Variants in PCDH9 observed in about 807,000 individuals in gnomAD.
PCDH9 encodes protocadherin 9.
PCDH9 carries 24 observed loss-of-function variants against 70.6 expected under a neutral mutation model. The observed-to-expected ratio is 0.34, with a 90% confidence interval of 0.25 to 0.48. The LOEUF (loss-of-function observed/expected upper bound fraction) is 0.48. PCDH9 is among the 20% of genes least tolerant of loss of function. The pLI is 0.99. For synonymous variants in PCDH9, 562 were observed against 558.5 expected (o/e 1.01, Z -0.09); for missense variants, 1,281 against 1,503.6 (o/e 0.85, Z 2.45).
chr13:66,982,860 T>C (rs2083804036), intron 2 of PCDH9, among the ~76,000 whole-genome samples: 1 of 152,252 alleles, frequency 6.6e-6, no homozygotes, highest in Non-Finnish European at 1.5e-5. Flanking sequence ...TAATGTTGAT[T>C]CTTGGTCTTG....
At chr13:66,447,781 C>T (rs969652922) in intron 4 of PCDH9, among the ~76,000 whole-genome samples, 15 of 151,994 alleles carry the variant, frequency 9.9e-5, no homozygotes, top group African/African-American at 3.4e-4. Flanking sequence ...GGGTATTCAA[C>T]GAATTAAATT....
chr13:66,978,003 T>C (rs1275776516), intron 2 of PCDH9, among the ~76,000 whole-genome samples: 1 of 152,166 alleles, frequency 6.6e-6, no homozygotes, highest in South Asian at 2.1e-4. Context: ...ACCTGTTGTA[T>C]CCCTTAAAAC....
intron 4 of PCDH9, among the ~76,000 whole-genome samples, chr13:66,467,178 G>T (rs1338827396): frequency 6.6e-6 from 1 of 152,044 alleles, no homozygotes; most frequent in East Asian, 1.9e-4. Context: ...CACCAAGGAG[G>T]TAATAGATGT....
At chr13:66,399,805 G>C (rs1339566253) in intron 4 of PCDH9, among the ~76,000 whole-genome samples, 1 of 151,944 alleles carries the variant, frequency 6.6e-6, no homozygotes, top group African/African-American at 2.4e-5. Context: ...ATCTTAGTCT[G>C]GGTGACAGAG....
chr13:66,628,632 C>G (rs2077529342), intron 4 of PCDH9, among the ~76,000 whole-genome samples: 1 of 152,168 alleles, frequency 6.6e-6, no homozygotes, highest in African/African-American at 2.4e-5. Flanking sequence ...TCCCCAGTAA[C>G]TGGGACTACA....
At chr13:67,112,069 T>C (rs2086669035) in intron 2 of PCDH9, among the ~76,000 whole-genome samples, 2 of 152,200 alleles carry the variant, frequency 1.3e-5, no homozygotes, top group South Asian at 2.1e-4. Context: ...AGTTAGATTA[T>C]ACCTGTGTCA....
chr13:66,871,425 A>T, intron 3 of PCDH9, among the ~76,000 whole-genome samples: 1 of 116,928 alleles, frequency 8.6e-6, no homozygotes, highest in Non-Finnish European at 1.8e-5. Context: ...AAAAATAAAT[A>T]AAATTAAAAA....
intron 3 of PCDH9, among the ~76,000 whole-genome samples, chr13:66,821,972 A>G (rs2080718616): frequency 6.6e-6 from 1 of 152,166 alleles, no homozygotes; most frequent in South Asian, 2.1e-4. Context: ...TTGCTTTTGT[A>G]AAATGTTGAG....
At chr13:66,887,167 C>T (rs1380018992) in intron 3 of PCDH9, among the ~76,000 whole-genome samples, 1 of 151,636 alleles carries the variant, frequency 6.6e-6, no homozygotes, top group Non-Finnish European at 1.5e-5. Flanking sequence ...TTTGGCACCG[C>T]ATCACCAAGT....
chr13:66,818,183 T>C (rs1325006593), intron 3 of PCDH9, among the ~76,000 whole-genome samples: 7 of 152,318 alleles, frequency 4.6e-5, no homozygotes, highest in African/African-American at 9.6e-5. Context: ...TTTAAGTGTA[T>C]AATTACGTTC....
At chr13:66,980,863 T>C (rs2083748679) in intron 2 of PCDH9, among the ~76,000 whole-genome samples, 2 of 151,560 alleles carry the variant, frequency 1.3e-5, no homozygotes, top group African/African-American at 2.4e-5. Context: ...GTAAAGACCA[T>C]TAGTGTGAAC....
chr13:66,403,866 C>T (rs542968336), intron 4 of PCDH9, among the ~76,000 whole-genome samples: 97 of 152,118 alleles, frequency 6.4e-4, no homozygotes, highest in Admixed American at 9.2e-4. Flanking sequence ...ACTTTGAGAA[C>T]TAACGGACTA....
chr13:66,408,050 C>CTTTTT (rs34109335), intron 4 of PCDH9, among the ~76,000 whole-genome samples: 14 of 132,226 alleles, frequency 1.1e-4, no homozygotes, highest in East Asian at 4.5e-4. Flanking sequence ...GCAGGGATCA[C>CTTTTT]TTTTTTTTTT....
chr13:66,534,926 A>T (rs1289430462), intron 4 of PCDH9, among the ~76,000 whole-genome samples: 1 of 152,124 alleles, frequency 6.6e-6, no homozygotes, highest in African/African-American at 2.4e-5. Context: ...TGGCAGGCAT[A>T]TTTTATTATA....
chr13:66,752,355 G>A (rs113007258), intron 3 of PCDH9, among the ~76,000 whole-genome samples: 227 of 152,184 alleles, frequency 1.5e-3, no homozygotes, highest in South Asian at 5.0e-3. Flanking sequence ...GATATGCAAC[G>A]GTGCAATCTT....
chr13:67,082,402 G>A (rs903160087), intron 2 of PCDH9, among the ~76,000 whole-genome samples: 2 of 152,206 alleles, frequency 1.3e-5, no homozygotes, highest in African/African-American at 2.4e-5. Context: ...ATTAAAGGCT[G>A]TAACAAACAG....
rs183622758 is a variant in PCDH9, at chr13:67,140,795, A to G, written c.3036+84610T>C. ...TTGATAAAGGCATGCCCTGGCCACT[A>G]TGAGCCATGTGCAGCACATTTCTCT... On this transcript the variant is annotated intron_variant, in intron 2 of 4. Coordinates refer to ENST00000377865, the MANE Select transcript of PCDH9 (RefSeq NM_203487.3). Among the ~76,000 whole-genome samples, 308 of 152,306 alleles carry G rather than the reference A, an allele frequency of 2.0e-3. 2 individuals carry two copies. Among genetic ancestry groups the G allele is most frequent in the Non-Finnish European group, 1.7e-3 (117 of 68,024 alleles).
Position 66,933,328 on chromosome 13 carries a change from G to A in PCDH9, c.3037-29723C>T, listed in dbSNP as rs190492852. Among the ~76,000 whole-genome samples, 33 of 152,160 alleles carry A rather than the reference G, an allele frequency of 2.2e-4. No homozygotes were observed. The East Asian group carries it at 5.2e-3, about 24-fold the overall frequency. On this transcript the variant is annotated intron_variant, in intron 2 of 4. Transcript: ENST00000377865. ...GACAATATTAAAGAATCAGTTTAGA[G>A]GAAATAAATTTCTCAATTTCTCAGC...
At chr13:66,482,238 C>T (rs1394634074) in intron 4 of PCDH9, among the ~76,000 whole-genome samples, 8 of 152,188 alleles carry the variant, frequency 5.3e-5, no homozygotes. Flanking sequence ...AAAATGTTCT[C>T]AAGAGCCAGT....
Sources: allele counts gnomAD v4.1 joint callset (sites outside exome capture counted in the v4.1 genomes callset), GRCh38; gene constraint gnomAD v4.1.1; transcripts MANE v1.5; gene names NCBI Gene and HGNC (gene_info 2026-07-23, HGNC 2026-07-21).